CREB3L1: variants seen among roughly 807,000 people sequenced by gnomAD.
CREB3L1 encodes the protein cAMP responsive element binding protein 3 like 1, also known as cyclic AMP-responsive element-binding protein 3-like protein 1.
Under a neutral mutation model 54.5 loss-of-function variants are expected in CREB3L1, and 33 were observed. That is an observed-to-expected ratio of 0.61 (90% CI 0.46 to 0.81). The LOEUF (loss-of-function observed/expected upper bound fraction) is 0.81, where lower values mean the gene tolerates loss of function less well. Among genes scored for constraint, CREB3L1 ranks in the 30% least tolerant of loss-of-function variants. The pLI, the probability that CREB3L1 is intolerant of heterozygous loss-of-function variation, is 0.00. For synonymous variants in CREB3L1, 284 were observed against 286.4 expected (o/e 0.99, Z 0.08); for missense variants, 656 against 673.3 (o/e 0.97, Z 0.29).
Position 46,320,379 on chromosome 11 carries a change from G to T in CREB3L1, c.1374G>T (p.Pro458=). The change falls in exon 11 of 12, where the codon CCG becomes CCT. Residue 458 remains proline, a synonymous_variant. Transcript: ENST00000621158. ...PDGWEINPGG[P]AEQRPRDHLQ... ...GCTGGGAAATCAACCCCGGGGGGCCGGCAGAGCAGCGGCCCCGGGACCACC... is the reference window on the plus strand; with the variant it reads ...GCTGGGAAATCAACCCCGGGGGGCCTGCAGAGCAGCGGCCCCGGGACCACC... 6.2e-7 allele frequency: 1 copy of T among 1,610,486 alleles called. No homozygotes were observed.
At chr11:46,317,609 G>C (rs1439452869) in intron 10 of CREB3L1, 122 bp downstream of exon 10, 2 of 1,292,330 alleles carry the variant, frequency 1.5e-6, no homozygotes, top group Admixed American at 2.5e-5. Context: ...ATCTCATTTT[G>C]CCTCATTTTC....
At chr11:46,300,343 A>G (rs1939278164) in intron 2 of CREB3L1, among the ~76,000 whole-genome samples, 180 bp downstream of exon 2, 1 of 152,232 alleles carries the variant, frequency 6.6e-6, no homozygotes, top group Admixed American at 6.5e-5. Flanking sequence ...GCTCAAAGCC[A>G]GAGGAGCACT....
chr11:46,319,681 T>C (rs936175571), intron 10 of CREB3L1, among the ~76,000 whole-genome samples: 3 of 151,856 alleles, frequency 2.0e-5, no homozygotes, highest in African/African-American at 7.3e-5. Flanking sequence ...GAGTTCAAGA[T>C]CAGCCTGGCC....
In CREB3L1 at chr11:46,316,372, G is replaced by C; in HGVS notation, c.1118G>C (p.Gly373Ala). 8 of 1,565,114 alleles carry C rather than the reference G, an allele frequency of 5.1e-6. No individual in the cohort carries two copies. Among genetic ancestry groups the C allele is most frequent in the Non-Finnish European group, 6.9e-6 (8 of 1,154,278 alleles). The change falls in exon 9 of 12, where the codon GGG becomes GCG. Residue 373 changes from glycine to alanine, a missense_variant. Physicochemically the swap from Gly to Ala is moderately conservative, Grantham distance 60. Around this residue, in one of 3 missense-constraint regions of CREB3L1, gnomAD observed 240 missense variants for 219.8 expected, o/e 1.09. Transcript: ENST00000621158. Reference protein sequence around the residue: ...RPYKMAATQTGTCLMVAALCF... With the variant: ...RPYKMAATQTATCLMVAALCF... ...TACAAGATGGCCGCCACCCAGACTG[G>C]GACCTGCCTCATGGTAGGTGTGGCT...
intron 3 of CREB3L1, among the ~76,000 whole-genome samples, chr11:46,308,325 C>T (rs1371286488): frequency 6.6e-6 from 1 of 152,152 alleles, no homozygotes; most frequent in African/African-American, 2.4e-5. Flanking sequence ...ACAGCCCAGG[C>T]CACTGACTTT....
rs908633855 is a variant in CREB3L1 at position 46,299,826 on chromosome 11, G to A, written c.103-109G>A. ...GGAATGGGCACAGTAATGGGAGGTT[G>A]CAGGGACAGTGGTGGCCATGGTGGG... On this transcript the variant is annotated intron_variant, in intron 1 of 11. Coordinates refer to ENST00000621158, the MANE Select transcript of CREB3L1 (RefSeq NM_052854.4). 39 of 747,548 alleles carry A rather than the reference G, an allele frequency of 5.2e-5. No homozygotes were observed. The East Asian group carries it at 8.5e-4, about 16-fold the overall frequency. The allele number at this position is 747,548 out of a possible 1,614,324, so 46.3% of individuals were successfully genotyped here.
At chr11:46,312,182 C>G (rs1188862335) in intron 5 of CREB3L1, 143 bp from the exon 6 acceptor site, 3 of 694,912 alleles carry the variant, frequency 4.3e-6, no homozygotes, top group South Asian at 4.1e-5. Flanking sequence ...GAATTTCACC[C>G]AGATCCACTC....
intron 5 of CREB3L1, 145 bp from the exon 6 acceptor site, chr11:46,312,180 C>T: frequency 1.4e-6 from 1 of 690,144 alleles, no homozygotes; most frequent in South Asian, 2.0e-5. Flanking sequence ...CTGAATTTCA[C>T]CCAGATCCAC....
rs762264233 is a variant in CREB3L1, at chr11:46,312,489, C to T, written c.903+15C>T. ...TCAAGAACAAGGTAAAGCCTGCCAC[C>T]CTGGGGCTTCAGAGGGCTTCCTTGG... On this transcript the variant is annotated intron_variant, in intron 6 of 11. Transcript: ENST00000621158. The T allele has an allele frequency of 8.7e-6, 14 of 1,611,898 alleles. No homozygotes were observed. The highest frequency in any genetic ancestry group is 2.2e-5 in the East Asian group (1 of 44,872).
intron 1 of CREB3L1, among the ~76,000 whole-genome samples, chr11:46,290,097 G>A (rs1175956722): frequency 1.3e-5 from 2 of 152,282 alleles, no homozygotes; most frequent in South Asian, 4.1e-4. Flanking sequence ...CACTGGGCCA[G>A]GAGTACCAGT....
chr11:46,304,189 T>C (rs1242391537), intron 2 of CREB3L1, among the ~76,000 whole-genome samples: 2 of 152,054 alleles, frequency 1.3e-5, no homozygotes, highest in African/African-American at 2.4e-5. Context: ...AAGAAGCTCA[T>C]TTGCCTGGGC....
In CREB3L1 at chr11:46,317,256, C is replaced by T. The variant is rs548688584; in HGVS notation, c.1132-105C>T. Reference sequence around the variant, plus strand: ...TGGAGCAGCTGCTTCCTTGGGAAAACGCTAAGACTTTTGTGCCTGTTGGTT... The same window carrying T: ...TGGAGCAGCTGCTTCCTTGGGAAAATGCTAAGACTTTTGTGCCTGTTGGTT... On this transcript the variant is annotated intron_variant, in intron 9 of 11. Transcript: ENST00000621158. 8.0e-4 allele frequency: 1,170 copies of T among 1,467,202 alleles called. 9 individuals carry two copies. The highest frequency in any genetic ancestry group is 3.1e-4 in the Non-Finnish European group (335 of 1,064,958). The allele number at this position is 1,467,202 out of a possible 1,614,324, so 90.9% of individuals were successfully genotyped here.
At chr11:46,317,846 T>G (rs1413175834) in intron 10 of CREB3L1, among the ~76,000 whole-genome samples, 1 of 152,170 alleles carries the variant, frequency 6.6e-6, no homozygotes, top group Non-Finnish European at 1.5e-5. Context: ...CAGTATCTCA[T>G]GATAGGGACA....
intron 10 of CREB3L1, 104 bp from the exon 11 acceptor site, chr11:46,320,160 G>A (rs896962881): frequency 4.7e-6 from 6 of 1,277,800 alleles, no homozygotes; most frequent in Admixed American, 2.8e-5. Context: ...TGTCAGAGCT[G>A]GGACTCAGAT....
At chr11:46,310,887 C>T (rs1939474531) in intron 4 of CREB3L1, 145 bp from the exon 5 acceptor site, 1 of 1,266,470 alleles carries the variant, frequency 7.9e-7, no homozygotes, top group Non-Finnish European at 1.0e-6. Flanking sequence ...AGAGGGGCTT[C>T]TGATGTCATA....
In CREB3L1 at chr11:46,312,049, C is replaced by T. The variant is rs1939494587; in HGVS notation, c.754-276C>T. 2.0e-5 allele frequency among the ~76,000 whole-genome samples: 3 copies of T among 152,242 alleles called. No homozygotes were observed. The South Asian group carries it at 6.2e-4, about 32-fold the overall frequency. ...TGAGGGAGATGCTGTTTGGGGCACC[C>T]TGGACAAGTAAGCTTTGAGGGTGCA... On this transcript the variant is annotated intron_variant, in intron 5 of 11. Coordinates refer to ENST00000621158, the MANE Select transcript of CREB3L1 (RefSeq NM_052854.4).
chr11:46,299,684 C>T (rs11038856), intron 1 of CREB3L1, among the ~76,000 whole-genome samples: 1 of 151,922 alleles, frequency 6.6e-6, no homozygotes, highest in African/African-American at 2.4e-5. Context: ...CAATGGTGAG[C>T]GTGGAGCTGG....
chr11:46,314,237 CA>C (rs1262951906), intron 8 of CREB3L1, among the ~76,000 whole-genome samples: 1,703 of 83,352 alleles, frequency 0.02, 7 homozygotes, highest in African/African-American at 0.041. Flanking sequence ...GACTCTGTCT[CA>C]AAAAAAAAAA....
At position 46,299,964 on chromosome 11, in the gene CREB3L1, G is replaced by T. The variant is rs181804070; in HGVS notation, c.132G>T (p.Thr44=). 3.7e-6 allele frequency: 6 copies of T among 1,613,762 alleles called. No individual in the cohort carries two copies. Among genetic ancestry groups the T allele is most frequent in the East Asian group, 2.2e-5 (1 of 44,896 alleles). Residue 44 remains threonine (T), a synonymous_variant, in exon 2 of 12, where the codon ACG becomes ACT. Coordinates refer to ENST00000621158, the MANE Select transcript of CREB3L1 (RefSeq NM_052854.4). ...TTCCTGAGCACCTGGACCACTTTAC[G>T]GAGAACATGGAGGACTTCTCCAATG... ...AHFPEHLDHF[T]ENMEDFSNDL...
Sources: gnomAD v4.1 joint callset for allele counts (sites outside exome capture counted in the v4.1 genomes callset) on GRCh38, gnomAD v4.1.1 for gene constraint, gnomAD v4.1.1 regional missense constraint, MANE v1.5 for transcripts, NCBI Gene and HGNC (gene_info 2026-07-23, HGNC 2026-07-21) for gene names.